Variants in VDAC1 observed in about 807,000 individuals in gnomAD.
VDAC1 encodes the protein non-selective voltage-gated ion channel VDAC1.
In VDAC1, 10 loss-of-function variants were observed where a neutral mutation model predicts 34.7. That is an observed-to-expected ratio of 0.29 (90% CI 0.18 to 0.49). VDAC1 has a LOEUF of 0.49. Among genes scored for constraint, VDAC1 ranks in the 20% least tolerant of loss-of-function variants. The probability of loss-of-function intolerance (pLI) is 0.99; values close to 1 mark genes in which losing one functional copy is unlikely to be tolerated. For missense variants in VDAC1, 230 were observed against 347.9 expected (o/e 0.66, Z 2.69); for synonymous variants, 130 against 136.0 (o/e 0.96, Z 0.30).
the VDAC1 span, among the ~76,000 whole-genome samples, chr5:134,103,868 G>C: frequency 6.6e-6 from 1 of 152,254 alleles, no homozygotes. Flanking sequence ...GGTCCTAGGA[G>C]CAGGGCTGAG....
At chr5:134,020,301 A>G in the VDAC1 span, among the ~76,000 whole-genome samples, 1 of 151,820 alleles carries the variant, frequency 6.6e-6, no homozygotes. Flanking sequence ...GCAGCCTGCC[A>G]CCCAACCTGT....
chr5:134,057,818 T>C, the VDAC1 span, among the ~76,000 whole-genome samples: 2 of 152,166 alleles, frequency 1.3e-5, no homozygotes, highest in Non-Finnish European at 2.9e-5. Context: ...GCTTCAACAC[T>C]GGATATTTTT....
At chr5:134,039,557 C>T in the VDAC1 span, among the ~76,000 whole-genome samples, 3 of 152,064 alleles carry the variant, frequency 2.0e-5, no homozygotes, top group African/African-American at 7.2e-5. Context: ...TCTCGATCTG[C>T]TGACCTCGTG....
At chr5:134,052,508 C>T in the VDAC1 span, among the ~76,000 whole-genome samples, 1 of 152,188 alleles carries the variant, frequency 6.6e-6, no homozygotes, top group African/African-American at 2.4e-5. Flanking sequence ...GTTGTCCAGG[C>T]TGGTCTCGAA....
the VDAC1 span, among the ~76,000 whole-genome samples, chr5:134,057,207 C>T: frequency 5.3e-5 from 8 of 151,874 alleles, no homozygotes; most frequent in Non-Finnish European, 2.9e-5. Flanking sequence ...AGGCTGGGCA[C>T]GGTGGCTCAT....
chr5:134,100,665 C>T, the VDAC1 span, among the ~76,000 whole-genome samples: 2 of 152,218 alleles, frequency 1.3e-5, no homozygotes, highest in African/African-American at 4.8e-5. Flanking sequence ...AAACCAGAGC[C>T]GGCCGAGACT....
At chr5:134,012,299 G>A in the VDAC1 span, among the ~76,000 whole-genome samples, 1 of 152,214 alleles carries the variant, frequency 6.6e-6, no homozygotes, top group Admixed American at 6.5e-5. Flanking sequence ...ATAAATCTGA[G>A]TTGTTTAAAC....
At chr5:134,028,124 T>C in the VDAC1 span, among the ~76,000 whole-genome samples, 1 of 150,146 alleles carries the variant, frequency 6.7e-6, no homozygotes, top group East Asian at 2.0e-4. Context: ...GTGTATACAT[T>C]TATATATTTA....
the VDAC1 span, among the ~76,000 whole-genome samples, chr5:134,055,592 T>TTGTTTTTTTTTTGTTTTTG: frequency 6.0e-4 from 21 of 35,232 alleles, no homozygotes; most frequent in African/African-American, 1.8e-3. Flanking sequence ...GCTAATGTTT[T>TTGTTTTTTTTTTGTTTTTG]TTTTTTTTTT....
chr5:134,099,689 T>A, the VDAC1 span, among the ~76,000 whole-genome samples: 1 of 152,224 alleles, frequency 6.6e-6, no homozygotes, highest in African/African-American at 2.4e-5. Flanking sequence ...TAAGCAATTC[T>A]CCCAGCTCAG....
At chr5:133,997,473 G>C (rs1019078755) in intron 1 of VDAC1, among the ~76,000 whole-genome samples, 1 of 151,466 alleles carries the variant, frequency 6.6e-6, no homozygotes, top group Non-Finnish European at 1.5e-5. Context: ...TGAGGTGGGC[G>C]GATCACTTCA....
At chr5:133,985,125 A>G (rs951957420) in intron 5 of VDAC1, among the ~76,000 whole-genome samples, 11 of 152,144 alleles carry the variant, frequency 7.2e-5, no homozygotes, top group African/African-American at 2.7e-4. Flanking sequence ...TGCTTGAGAC[A>G]TCGCTTCTAT....
the VDAC1 span, among the ~76,000 whole-genome samples, chr5:134,072,421 A>G: frequency 3.1e-4 from 47 of 152,318 alleles, no homozygotes; most frequent in South Asian, 2.9e-3. Flanking sequence ...TGTGGTAGGT[A>G]ACAGAGCCTC....
the VDAC1 span, among the ~76,000 whole-genome samples, chr5:134,106,693 ACCGCGCCT>A: frequency 3.0e-4 from 45 of 152,296 alleles, no homozygotes; most frequent in East Asian, 7.5e-3. Context: ...GGCGTGAGCC[ACCGCGCCT>A]GGCCCGTCAT....
At chr5:134,051,620 C>T in the VDAC1 span, among the ~76,000 whole-genome samples, 5 of 151,744 alleles carry the variant, frequency 3.3e-5, no homozygotes, top group Non-Finnish European at 7.4e-5. Context: ...ATCATCAATA[C>T]CAATCAACAG....
At chr5:134,021,492 C>T in the VDAC1 span, among the ~76,000 whole-genome samples, 1 of 151,316 alleles carries the variant, frequency 6.6e-6, no homozygotes, top group Non-Finnish European at 1.5e-5. Flanking sequence ...CCAGCTTCAT[C>T]CATGTCCTTG....
intron 5 of VDAC1, among the ~76,000 whole-genome samples, chr5:133,983,709 A>C (rs1287659462): frequency 6.6e-6 from 1 of 152,188 alleles, no homozygotes; most frequent in African/African-American, 2.4e-5. Flanking sequence ...CCACTGATAC[A>C]GTTTCGATGC....
chr5:134,030,824 G>T, the VDAC1 span, among the ~76,000 whole-genome samples: 1 of 152,062 alleles, frequency 6.6e-6, no homozygotes, highest in African/African-American at 2.4e-5. Flanking sequence ...TGATGGTCAG[G>T]CTGGTCTTGA....
the VDAC1 span, among the ~76,000 whole-genome samples, chr5:134,028,227 G>T: frequency 6.6e-6 from 1 of 152,060 alleles, no homozygotes; most frequent in Admixed American, 6.6e-5. Flanking sequence ...CCACCTTCCA[G>T]GTTCAAGCAA....
Sources: gnomAD v4.1 joint callset for allele counts (sites outside exome capture counted in the v4.1 genomes callset) on GRCh38, gnomAD v4.1.1 for gene constraint, MANE v1.5 for transcripts, NCBI Gene and HGNC (gene_info 2026-07-23, HGNC 2026-07-21) for gene names.